ZNF385B: variants seen among roughly 807,000 people sequenced by gnomAD.
The protein encoded by ZNF385B is zinc finger protein 533.
A neutral mutation model predicts 39.2 loss-of-function variants in ZNF385B; 23 were observed. The observed-to-expected ratio is 0.59, with a 90% confidence interval of 0.42 to 0.83. The LOEUF (loss-of-function observed/expected upper bound fraction) is 0.83. Among genes scored for constraint, ZNF385B ranks in the 40% least tolerant of loss-of-function variants. The pLI is 0.00. For synonymous variants in ZNF385B, 205 were observed against 222.6 expected (o/e 0.92, Z 0.70); for missense variants, 552 against 598.9 (o/e 0.92, Z 0.82).
intron 3 of ZNF385B, among the ~76,000 whole-genome samples, chr2:179,735,732 G>T (rs1385309993): frequency 6.6e-6 from 1 of 151,096 alleles, no homozygotes; most frequent in African/African-American, 2.4e-5. Flanking sequence ...GTCCTTTGTA[G>T]GGACATGGAT....
intron 1 of ZNF385B, among the ~76,000 whole-genome samples, chr2:179,843,533 T>C (rs1460696153): frequency 6.6e-6 from 1 of 152,262 alleles, no homozygotes; most frequent in Non-Finnish European, 1.5e-5. Flanking sequence ...GACATAGGTA[T>C]ATACCAAAAG....
At chr2:179,812,909 T>C (rs1004461703) in intron 1 of ZNF385B, among the ~76,000 whole-genome samples, 3 of 152,186 alleles carry the variant, frequency 2.0e-5, no homozygotes, top group Non-Finnish European at 4.4e-5. Flanking sequence ...AATGTTCTAT[T>C]TGGAATTTTA....
At chr2:179,751,378 T>C (rs1702665106) in intron 3 of ZNF385B, among the ~76,000 whole-genome samples, 1 of 152,140 alleles carries the variant, frequency 6.6e-6, no homozygotes, top group South Asian at 2.1e-4. Context: ...AATATACTCA[T>C]GGCACCATCT....
At chr2:179,510,225 G>T (rs1388082042) in intron 5 of ZNF385B, among the ~76,000 whole-genome samples, 1 of 152,072 alleles carries the variant, frequency 6.6e-6, no homozygotes, top group Non-Finnish European at 1.5e-5. Flanking sequence ...AGATATACAT[G>T]TGTGTATATA....
intron 3 of ZNF385B, among the ~76,000 whole-genome samples, chr2:179,581,802 G>A (rs1360195697): frequency 6.6e-6 from 1 of 152,172 alleles, no homozygotes; most frequent in East Asian, 1.9e-4. Context: ...CATGCCCTTA[G>A]AAAGGTGTGT....
intron 1 of ZNF385B, chr2:179,814,564 T>C (rs1274882745): frequency 1.0e-5 from 8 of 772,518 alleles, no homozygotes; most frequent in African/African-American, 3.5e-5. Flanking sequence ...AACTGGGCCA[T>C]GGAGGACAAG....
chr2:179,575,791 TG>T (rs1685745238), intron 3 of ZNF385B, among the ~76,000 whole-genome samples: 1 of 151,968 alleles, frequency 6.6e-6, no homozygotes, highest in African/African-American at 2.4e-5. Context: ...AAAAGACTTT[TG>T]TTTTTTTTTA....
chr2:179,820,539 T>C (rs541828320), intron 1 of ZNF385B, among the ~76,000 whole-genome samples: 1 of 152,090 alleles, frequency 6.6e-6, no homozygotes, highest in African/African-American at 2.4e-5. Context: ...TTTATTGGTA[T>C]TACTTTGTTT....
chr2:179,716,497 T>TA (rs1053236116), intron 3 of ZNF385B, among the ~76,000 whole-genome samples: 3 of 152,224 alleles, frequency 2.0e-5, no homozygotes, highest in Non-Finnish European at 4.4e-5. Flanking sequence ...ATTATGTTCA[T>TA]AAAAATGTTG....
At chr2:179,631,854 A>C (rs924682578) in intron 3 of ZNF385B, among the ~76,000 whole-genome samples, 2 of 147,860 alleles carry the variant, frequency 1.4e-5, no homozygotes, top group Non-Finnish European at 1.5e-5. Context: ...AGCAAAAAAA[A>C]CACAAAAACA....
chr2:179,758,903 A>T (rs2106483026), intron 3 of ZNF385B, among the ~76,000 whole-genome samples: 1 of 152,308 alleles, frequency 6.6e-6, no homozygotes, highest in East Asian at 1.9e-4. Flanking sequence ...TCATAATTAA[A>T]AAAACATTGT....
intron 3 of ZNF385B, among the ~76,000 whole-genome samples, chr2:179,768,593 C>A (rs970704120): frequency 2.0e-5 from 3 of 152,182 alleles, no homozygotes; most frequent in Non-Finnish European, 4.4e-5. Flanking sequence ...CATTACAGAG[C>A]AAACCCTTGC....
At position 179,493,758 on chromosome 2, in the gene ZNF385B, T is replaced by TATATGTATACATATATGTATATACAC. The variant is rs769509937; in HGVS notation, c.553-10350_553-10325dup. Among the ~76,000 whole-genome samples the TATATGTATACATATATGTATATACAC allele has an allele frequency of 6.0e-4, 77 of 128,706 alleles. 1 individual carries two copies. The highest frequency in any genetic ancestry group is 7.5e-4 in the Non-Finnish European group (45 of 59,808). 84.4% of individuals were successfully genotyped at this position (128,706 alleles called of 152,430 possible). ...ATATGTATACATATGTGTATATACA[T>TATATGTATACATATATGTATATACAC]ATATGTATACATATATGTATATACA... is the stretch of plus-strand genomic sequence containing the variant. On this transcript the variant is annotated intron_variant, in intron 5 of 9. Coordinates refer to ENST00000410066, the MANE Select transcript of ZNF385B (RefSeq NM_152520.6).
Position 179,789,315 on chromosome 2 carries a change from C to T in ZNF385B, c.-154-18643G>A, listed in dbSNP as rs528514282. ...AAGTTGTTAAAATCACTGTGACTTA[C>T]ACATAGAAAAAACTTTGAGAAAGAA... is the stretch of plus-strand genomic sequence containing the variant. On this transcript the variant is annotated intron_variant, in intron 1 of 9. Coordinates refer to ENST00000410066, the MANE Select transcript of ZNF385B (RefSeq NM_152520.6). Among the ~76,000 whole-genome samples the T allele has an allele frequency of 7.2e-5, 11 of 152,230 alleles. No individual in the cohort carries two copies. In the East Asian group the frequency reaches 1.4e-3, roughly 19 times the overall value.
chr2:179,837,604 C>T (rs1708321149), intron 1 of ZNF385B, among the ~76,000 whole-genome samples: 1 of 152,214 alleles, frequency 6.6e-6, no homozygotes, highest in South Asian at 2.1e-4. Flanking sequence ...AGCTGACTCA[C>T]CGTGGTTTTC....
chr2:179,610,621 T>C lies in ZNF385B; in HGVS notation c.299-65652A>G, dbSNP rs944600233. 2.0e-5 allele frequency among the ~76,000 whole-genome samples: 3 copies of C among 152,178 alleles called. No homozygotes were observed. The East Asian group carries it at 5.8e-4, about 29-fold the overall frequency. ...CATTGATATTTTGCTGGGGATTGCA[T>C]TGACTCTGTAGATTGCTTTGGGTAG... On this transcript the variant is annotated intron_variant, in intron 3 of 9. Transcript: ENST00000410066.
intron 3 of ZNF385B, chr2:179,562,557 C>A (rs1574815150): frequency 2.0e-6 from 2 of 985,374 alleles, no homozygotes; most frequent in South Asian, 4.7e-5. Flanking sequence ...ACAAATCATA[C>A]GTCCTGTAAT....
At position 179,630,275 on chromosome 2, in the gene ZNF385B, C is replaced by T. The variant is rs1012530147; in HGVS notation, c.299-85306G>A. 1.4e-4 allele frequency among the ~76,000 whole-genome samples: 21 copies of T among 152,284 alleles called. No individual in the cohort carries two copies. The South Asian group carries it at 2.5e-3, about 18-fold the overall frequency. Reference sequence around the variant, plus strand: ...ACACCTCCCAGTAGGGGCTGACAGACACCTCACATAGGTGGCTGCCACTCT... The same window carrying T: ...ACACCTCCCAGTAGGGGCTGACAGATACCTCACATAGGTGGCTGCCACTCT... On this transcript the variant is annotated intron_variant, in intron 3 of 9. Coordinates refer to ENST00000410066, the MANE Select transcript of ZNF385B (RefSeq NM_152520.6).
At chr2:179,801,580 T>TA (rs1706037726) in intron 1 of ZNF385B, among the ~76,000 whole-genome samples, 1 of 152,154 alleles carries the variant, frequency 6.6e-6, no homozygotes, top group African/African-American at 2.4e-5. Flanking sequence ...TTCAACCCAT[T>TA]ACACAGTAAA....
Sources: gnomAD v4.1 joint callset for allele counts (sites outside exome capture counted in the v4.1 genomes callset) on GRCh38, gnomAD v4.1.1 for gene constraint, MANE v1.5 for transcripts, NCBI Gene and HGNC (gene_info 2026-07-23, HGNC 2026-07-21) for gene names.